GGT6: variants seen among roughly 807,000 people sequenced by gnomAD.
GGT6 encodes the protein glutathione hydrolase 6.
Under a neutral mutation model 17.0 loss-of-function variants are expected in GGT6, and 13 were observed. The observed-to-expected ratio is 0.77, with a 90% CI of 0.50 to 1.22. The LOEUF is 1.22. Among genes scored for constraint, GGT6 ranks in the 50% most tolerant of loss-of-function variants. The probability of loss-of-function intolerance (pLI) is 0.00; values close to 1 mark genes in which losing one functional copy is unlikely to be tolerated. For missense variants in GGT6, 628 were observed against 643.7 expected, an observed-to-expected ratio of 0.98 and a Z score of 0.26; for synonymous variants, 305 against 297.9, an observed-to-expected ratio of 1.02 and a Z score of -0.25.
rs771616002 is a variant in GGT6 at position 4,559,607 on chromosome 17, G to A, written c.294C>T (p.His98=). Residue 98 remains histidine (H), a synonymous_variant, in exon 2 of 4, where the codon CAC becomes CAT. Coordinates refer to ENST00000381550, the MANE Select transcript of GGT6 (RefSeq NM_001288702.2). ...GGTGGTATACGCCAGGGCCGTGGGAGTGTCCGCCGGGTGGAGGGGCCACAG... is the reference window on the plus strand; with the variant it reads ...GGTGGTATACGCCAGGGCCGTGGGAATGTCCGCCGGGTGGAGGGGCCACAG... The part of the protein sequence containing the change: ...LGSVAPPPGG[H]SHGPGVYHHG... 1.2e-6 allele frequency: 2 copies of A among 1,613,740 alleles called. No individual in the cohort carries two copies. Among genetic ancestry groups the A allele is most frequent in the African/African-American group, 2.7e-5 (2 of 74,940 alleles).
At position 4,559,639 on chromosome 17, in the gene GGT6, A is replaced by G. The variant is rs1908489838; in HGVS notation, c.262T>C (p.Leu88=). The G allele has an allele frequency of 6.2e-7, 1 of 1,613,662 alleles. No homozygotes were observed. Among genetic ancestry groups the G allele is most frequent in the African/African-American group, 1.3e-5 (1 of 75,046 alleles). ...LQNQGRSTGS[L]GSVAPPPGGH... is the part of the protein sequence containing the mutation. The stretch of plus-strand genomic sequence containing the variant: ...CCGGGTGGAGGGGCCACAGAGCCCA[A>G]GCTTCCTGTCGACCTGCCCTGATTC... The change falls in exon 2 of 4, where the codon TTG becomes CTG. Residue 88 remains leucine, a synonymous_variant. Transcript: ENST00000381550.
intron 1 of GGT6, chr17:4,560,057 G>C: frequency 1.7e-6 from 1 of 571,462 alleles, no homozygotes; most frequent in Non-Finnish European, 3.1e-6. Context: ...GAAGGGGCTG[G>C]GGAGCAGGCC....
rs924122939 is a variant in GGT6, at chr17:4,559,354, G to T, written c.446C>A (p.Ala149Asp). ...CAGGGGTCACTGACCTAGCCCCGTG[G>T]CATGAGGATGCACCACTGCCAGGCA... Reference protein sequence around the residue: ...ALCLAVVHPHATGLGAMFWGL... With the variant: ...ALCLAVVHPHDTGLGAMFWGL... Residue 149 changes from alanine (A) to aspartate (D), a missense_variant, in exon 3 of 4, where the codon GCC becomes GAC. Ala to Asp is a moderately radical substitution (Grantham distance 126, BLOSUM62 -2). Transcript: ENST00000381550. 9 of 1,551,074 alleles carry T rather than the reference G, an allele frequency of 5.8e-6. 1 individual carries two copies. The Middle Eastern group carries it at 6.7e-4, about 115-fold the overall frequency.
Position 4,558,005 on chromosome 17 carries a change from C to A in GGT6, c.*10G>T. On this transcript the variant is annotated 3_prime_UTR_variant, in exon 4 of 4. Coordinates refer to ENST00000381550, the MANE Select transcript of GGT6 (RefSeq NM_001288702.2). ...TAACTCTGCCTTCTGCCAGACCCAC[C>A]CCCATCCTGTTAGAACCCCTGGAAG... 1 of 1,507,334 alleles carries A rather than the reference C, an allele frequency of 6.6e-7. No homozygotes were observed. The highest frequency in any genetic ancestry group is 8.9e-7 in the Non-Finnish European group (1 of 1,126,256). The allele number at this position is 1,507,334 out of a possible 1,614,324, so 93.4% of individuals were successfully genotyped here.
chr17:4,556,220 TG>T (rs575155314), downstream of GGT6, among the ~76,000 whole-genome samples: 1 of 152,086 alleles, frequency 6.6e-6, no homozygotes, highest in Non-Finnish European at 1.5e-5. Context: ...GGCTGCTGTG[TG>T]GGGGATGGAC....
At position 4,558,041 on chromosome 17, in the gene GGT6, C is replaced by T. The variant is rs775214230; in HGVS notation, c.1474G>A (p.Ala492Thr). The change falls in exon 4 of 4, where the codon GCC (alanine) becomes ACC (threonine). Residue 492 changes from alanine to threonine, a missense_variant. Ala to Thr is a moderately conservative substitution (Grantham distance 58). Coordinates refer to ENST00000381550, the MANE Select transcript of GGT6 (RefSeq NM_001288702.2). ...TAGAACCCCTGGAAGGGGCAGCAGG[C>T]ATGGGGGACACTGGAGACATGGGCG... ...EHAHVSSVPH[A>T]CCPFQGF is the part of the protein sequence containing the mutation. The T allele has an allele frequency of 3.2e-6, 5 of 1,558,438 alleles. No individual in the cohort carries two copies.
Position 4,558,847 on chromosome 17 carries a change from G to A in GGT6, c.668C>T (p.Thr223Ile), listed in dbSNP as rs975357809. 6.5e-6 allele frequency: 10 copies of A among 1,547,382 alleles called. No homozygotes were observed. Among genetic ancestry groups the A allele is most frequent in the African/African-American group, 1.4e-5 (1 of 72,994 alleles). Reference protein sequence around the residue: ...TLAQEGFLVDTPLARALVARG... With the variant: ...TLAQEGFLVDIPLARALVARG... ...AGCCACCAGAGCCCTTGCCAGGGGTGTGTCCACCAGGAAGCCCTCCTGAGC... is the reference window on the plus strand; with the variant it reads ...AGCCACCAGAGCCCTTGCCAGGGGTATGTCCACCAGGAAGCCCTCCTGAGC... The change falls in exon 4 of 4, where the codon ACA (threonine) becomes ATA (isoleucine). Residue 223 changes from threonine to isoleucine, a missense_variant. Transcript: ENST00000381550.
Position 4,559,062 on chromosome 17 carries a change from A to G in GGT6, c.458-5T>C. 7 of 1,539,966 alleles carry G rather than the reference A, an allele frequency of 4.5e-6. No homozygotes were observed. Among genetic ancestry groups the G allele is most frequent in the South Asian group, 1.2e-5 (1 of 84,024 alleles). On this transcript the variant is annotated splice_polypyrimidine_tract_variant and splice_region_variant and intron_variant, in intron 3 of 3. Coordinates refer to ENST00000381550, the MANE Select transcript of GGT6 (RefSeq NM_001288702.2). ...AGAGGCCCCAAAACATGGCACCTGC[A>G]GGAGACAGAGGGGTCCCTCAGCAGC...
chr17:4,558,551 C>A lies in GGT6; in HGVS notation c.964G>T (p.Ala322Ser). The A allele has an allele frequency of 6.4e-7, 1 of 1,572,686 alleles. No homozygotes were observed. Among genetic ancestry groups the A allele is most frequent in the East Asian group, 2.3e-5 (1 of 43,986 alleles). ...GILFTTPSPS[A>S]GPELLALLEA... ...AACAGTGCCAGCAGTTCTGGGCCAG[C>A]TGAGGGACTGGGGGTGGTGAACAGG... The change falls in exon 4 of 4, where the codon GCT (alanine) becomes TCT (serine). Residue 322 changes from alanine to serine, a missense_variant. Coordinates refer to ENST00000381550, the MANE Select transcript of GGT6 (RefSeq NM_001288702.2).
rs1908562245 is a variant in GGT6 at position 4,560,426 on chromosome 17, T to C, written c.96A>G (p.Ser32=). ...TCCGGGGGTTTAGAACCAGCGCCTCTGATGTCTCCTCCTCCTCCACTTCCT... is the reference window on the plus strand; with the variant it reads ...TCCGGGGGTTTAGAACCAGCGCCTCCGATGTCTCCTCCTCCTCCACTTCCT... ...SEEEVEEEET[S]EALVLNPRRH... The change falls in exon 1 of 4, where the codon TCA becomes TCG. Residue 32 remains serine (S), a synonymous_variant. Transcript: ENST00000381550. 2 of 1,614,010 alleles carry C rather than the reference T, an allele frequency of 1.2e-6. No homozygotes were observed. Among genetic ancestry groups the C allele is most frequent in the Admixed American group, 1.7e-5 (1 of 60,002 alleles).
chr17:4,559,815 C>A (rs762361451), intron 1 of GGT6, 55 bp from the exon 2 acceptor site: 18 of 1,486,582 alleles, frequency 1.2e-5, no homozygotes, highest in Non-Finnish European at 1.7e-5. Flanking sequence ...GCCCAAGGAC[C>A]CCAAGAGACC....
chr17:4,558,563 G>A lies in GGT6; in HGVS notation c.952C>T (p.Pro318Ser). Residue 318 changes from proline (P) to serine (S), a missense_variant, in exon 4 of 4, where the codon CCC (proline) becomes TCC (serine). Transcript: ENST00000381550. ...AGTTCTGGGCCAGCTGAGGGACTGG[G>A]GGTGGTGAACAGGATGCCCTGGGGC... ...PVPQGILFTT[P>S]SPSAGPELLA... 2 of 1,569,978 alleles carry A rather than the reference G, an allele frequency of 1.3e-6. No individual in the cohort carries two copies. Among genetic ancestry groups the A allele is most frequent in the Non-Finnish European group, 1.7e-6 (2 of 1,157,552 alleles).
Position 4,560,539 on chromosome 17 carries a change from C to G in GGT6, c.-18G>C, listed in dbSNP as rs779177881. The G allele has an allele frequency of 6.2e-7, 1 of 1,606,726 alleles. No individual in the cohort carries two copies. The highest frequency in any genetic ancestry group is 8.5e-7 in the Non-Finnish European group (1 of 1,179,780). On this transcript the variant is annotated 5_prime_UTR_variant, in exon 1 of 4. Coordinates refer to ENST00000381550, the MANE Select transcript of GGT6 (RefSeq NM_001288702.2). Reference sequence around the variant, plus strand: ...CGCTCCATGGCCCCCCAGTGCTCGCCCCAGCCCTCCTGCCTGCCAGCCTTT... The same window carrying G: ...CGCTCCATGGCCCCCCAGTGCTCGCGCCAGCCCTCCTGCCTGCCAGCCTTT...
rs778890940 is a variant in GGT6 at position 4,559,351 on chromosome 17, G to A, written c.449C>T (p.Thr150Met). 219 of 1,550,572 alleles carry A rather than the reference G, an allele frequency of 1.4e-4. 1 individual carries two copies. Among genetic ancestry groups the A allele is most frequent in the South Asian group, 6.1e-4 (51 of 84,050 alleles). ...GGTCAGGGGTCACTGACCTAGCCCC[G>A]TGGCATGAGGATGCACCACTGCCAG... ...LCLAVVHPHA[T>M]GLGAMFWGLF... The change falls in exon 3 of 4, where the codon ACG becomes ATG. Residue 150 changes from threonine to methionine, a missense_variant. Physicochemically the swap from Thr to Met is moderately conservative, Grantham distance 81. Transcript: ENST00000381550.
Position 4,557,927 on chromosome 17 carries a change from G to A in GGT6, c.*88C>T. 1.1e-6 allele frequency: 1 copy of A among 885,224 alleles called. No individual in the cohort carries two copies. The highest frequency in any genetic ancestry group is 1.8e-5 in the South Asian group (1 of 56,800). 54.8% of individuals were successfully genotyped at this position (885,224 alleles called of 1,614,324 possible). A position where few individuals can be genotyped will look rare whatever the true frequency, so the allele number is the denominator to read the frequency against. On this transcript the variant is annotated 3_prime_UTR_variant, in exon 4 of 4. Transcript: ENST00000381550. Reference sequence around the variant, plus strand: ...AGGTGTGAGGCACCACACCCTGCGGGTGCACACTCCATTGCTGCTGTGTCT... The same window carrying A: ...AGGTGTGAGGCACCACACCCTGCGGATGCACACTCCATTGCTGCTGTGTCT...
chr17:4,558,823 GC>G lies in GGT6; in HGVS notation c.691del (p.Ala231LeufsTer51). 6.5e-7 allele frequency: 1 copy of G among 1,549,918 alleles called. No homozygotes were observed. The highest frequency in any genetic ancestry group is 1.4e-5 in the African/African-American group (1 of 73,286). ...TGGACAGAGGCCTTCTGTGCCCCGAGCCACCAGAGCCCTTGCCAGGGGTGTG... is the reference window on the plus strand; with the variant it reads ...TGGACAGAGGCCTTCTGTGCCCCGAGCACCAGAGCCCTTGCCAGGGGTGTG... ...VDTPLARALV[A>X]RGTEGLCPLL... On this transcript the variant is annotated frameshift_variant, in exon 4 of 4. Coordinates refer to ENST00000381550, the MANE Select transcript of GGT6 (RefSeq NM_001288702.2). LOFTEE classifies it low-confidence loss of function (END_TRUNC).
rs1433298416 is a variant in GGT6 at position 4,559,636 on chromosome 17, C to G, written c.265G>C (p.Gly89Arg). Reference sequence around the variant, plus strand: ...CCGCCGGGTGGAGGGGCCACAGAGCCCAAGCTTCCTGTCGACCTGCCCTGA... The same window carrying G: ...CCGCCGGGTGGAGGGGCCACAGAGCGCAAGCTTCCTGTCGACCTGCCCTGA... ...QNQGRSTGSL[G>R]SVAPPPGGHS... Residue 89 changes from glycine (G) to arginine (R), a missense_variant, in exon 2 of 4, where the codon GGC becomes CGC. By Grantham distance (125) the Gly-to-Arg change is moderately radical. Transcript: ENST00000381550. 1 of 1,613,742 alleles carries G rather than the reference C, an allele frequency of 6.2e-7. No individual in the cohort carries two copies. Among genetic ancestry groups the G allele is most frequent in the Non-Finnish European group, 8.5e-7 (1 of 1,180,002 alleles).
At position 4,559,647 on chromosome 17, in the gene GGT6, G is replaced by A; in HGVS notation, c.254C>T (p.Thr85Ile). 6.2e-7 allele frequency: 1 copy of A among 1,613,514 alleles called. No individual in the cohort carries two copies. The highest frequency in any genetic ancestry group is 8.5e-7 in the Non-Finnish European group (1 of 1,180,010). ...VRQLQNQGRS[T>I]GSLGSVAPPP... ...AGGGGCCACAGAGCCCAAGCTTCCT[G>A]TCGACCTGCCCTGATTCTGGAGCTG... Residue 85 changes from threonine to isoleucine, a missense_variant, in exon 2 of 4, where the codon ACA (threonine) becomes ATA (isoleucine). Transcript: ENST00000381550.
chr17:4,558,787 T>C lies in GGT6; in HGVS notation c.728A>G (p.His243Arg). ...GTEGLCPLLC[H>R]ADGTPLGAGA... ...AGCGCCCAGGGGTGTCCCATCAGCA[T>C]GGCAAAGTAGTGGACAGAGGCCTTC... The change falls in exon 4 of 4, where the codon CAT becomes CGT. Residue 243 changes from histidine (H) to arginine (R), a missense_variant. Physicochemically the swap from His to Arg is conservative, Grantham distance 29. Coordinates refer to ENST00000381550, the MANE Select transcript of GGT6 (RefSeq NM_001288702.2). The C allele has an allele frequency of 1.3e-6, 2 of 1,562,718 alleles. No individual in the cohort carries two copies. Among genetic ancestry groups the C allele is most frequent in the African/African-American group, 2.7e-5 (2 of 74,056 alleles).
Sources: allele counts gnomAD v4.1 joint callset (sites outside exome capture counted in the v4.1 genomes callset), GRCh38; gene constraint gnomAD v4.1.1; transcripts MANE v1.5; gene names NCBI Gene and HGNC (gene_info 2026-07-23, HGNC 2026-07-21).